Variants in SLC22A12 observed in about 807,000 individuals in gnomAD.
SLC22A12 encodes solute carrier family 22 member 12.
A neutral mutation model predicts 52.7 loss-of-function variants in SLC22A12; 56 were observed. The observed-to-expected ratio is 1.06, with a 90% CI of 0.86 to 1.33. The LOEUF is 1.33. SLC22A12 is among the 40% of genes most tolerant of loss of function. The pLI is 0.00. For synonymous variants in SLC22A12, 337 were observed against 324.6 expected, an observed-to-expected ratio of 1.04 and a Z score of -0.41; for missense variants, 683 against 741.5, an observed-to-expected ratio of 0.92 and a Z score of 0.92.
Position 64,593,798 on chromosome 11 carries a change from C to T in SLC22A12, c.825C>T (p.Tyr275=), listed in dbSNP as rs1441555497. The change falls in exon 4 of 10, where the codon TAC becomes TAT. Residue 275 remains tyrosine (Y), a synonymous_variant. Coordinates refer to ENST00000377574, the MANE Select transcript of SLC22A12 (RefSeq NM_144585.4). ...VSVPFFLCFL[Y]SWWLAESARW... is the part of the protein sequence containing the mutation. The stretch of plus-strand genomic sequence containing the variant: ...TCCCCTTCTTCCTCTGCTTTTTGTA[C>T]TCCTGGTGGGTGCTGTGCCCCACTC... 5.0e-6 allele frequency: 8 copies of T among 1,605,010 alleles called. No homozygotes were observed. Among genetic ancestry groups the T allele is most frequent in the Non-Finnish European group, 5.1e-6 (6 of 1,179,928 alleles).
At chr11:64,592,661 A>C in intron 1 of SLC22A12, 118 bp from the exon 2 acceptor site, 1 of 824,244 alleles carries the variant, frequency 1.2e-6, no homozygotes, top group Non-Finnish European at 2.1e-6. Flanking sequence ...CTAAAACCCT[A>C]GAGGTCACCA....
chr11:64,597,892 TAGC>T (rs2039303310), intron 4 of SLC22A12, among the ~76,000 whole-genome samples: 1 of 152,214 alleles, frequency 6.6e-6, no homozygotes, highest in African/African-American at 2.4e-5. Flanking sequence ...GAGGCCGAGA[TAGC>T]AGAGACTCAG....
Position 64,592,890 on chromosome 11 carries a change from C to A in SLC22A12, c.506+8C>A, listed in dbSNP as rs773552593. ...CGGCCCTGCCTCAGACAGGTGAGTA[C>A]CCCCAGTCCAGGCAGGTCCCAGTTC... On this transcript the variant is annotated splice_region_variant and intron_variant, in intron 2 of 9. Transcript: ENST00000377574. The A allele has an allele frequency of 4.3e-6, 7 of 1,610,816 alleles. No homozygotes were observed. In the African/African-American group the frequency reaches 6.7e-5, roughly 15 times the overall value.
chr11:64,595,350 AATGGATGGATGGATGGATGGATGG>A (rs796558193), intron 4 of SLC22A12, among the ~76,000 whole-genome samples: 11 of 57,988 alleles, frequency 1.9e-4, no homozygotes, highest in South Asian at 1.0e-3. Flanking sequence ...TGGATGGTTG[AATGGATGGATGGATGGATGGATGG>A]ATGGATGGAT....
chr11:64,599,627 C>T (rs1345035258), intron 6 of SLC22A12, 49 bp from the exon 7 acceptor site: 1 of 200,154 alleles, frequency 5.0e-6, no homozygotes, highest in South Asian at 4.5e-5. Flanking sequence ...TGCCCACCAC[C>T]CCCCCCCACC....
In SLC22A12 at chr11:64,599,674, A is replaced by G. The variant is rs747221774; in HGVS notation, c.1071-2A>G. 7.8e-7 allele frequency: 1 copy of G among 1,281,972 alleles called. No homozygotes were observed. Among genetic ancestry groups the G allele is most frequent in the Non-Finnish European group, 1.0e-6 (1 of 983,278 alleles). The allele number at this position is 1,281,972 out of a possible 1,614,324, so 79.4% of individuals were successfully genotyped here. ...CCCTGACTTCCCTGACCCCTGCCCC[A>G]GGTTCGCCTTTGGCTTCACCTTCTT... On this transcript the variant is annotated splice_acceptor_variant, in intron 6 of 9. Coordinates refer to ENST00000377574, the MANE Select transcript of SLC22A12 (RefSeq NM_144585.4). LOFTEE classifies it high-confidence loss of function.
chr11:64,601,053 G>A, intron 9 of SLC22A12, 115 bp downstream of exon 9: 3 of 1,347,002 alleles, frequency 2.2e-6, no homozygotes, highest in Non-Finnish European at 3.1e-6. Flanking sequence ...GGCCCAGACA[G>A]ATAGGATTGG....
chr11:64,600,439 C>T lies in SLC22A12; in HGVS notation c.1358C>T (p.Thr453Ile), dbSNP rs753490462. ...GGVGAAFTCITIYSSELFPTV... is the reference protein window; with the variant it reads ...GGVGAAFTCIIIYSSELFPTV... ...GTGGGGGCTGCCTTCACCTGCATCACCATCTACAGCAGCGAGCTCTTCCCC... is the reference window on the plus strand; with the variant it reads ...GTGGGGGCTGCCTTCACCTGCATCATCATCTACAGCAGCGAGCTCTTCCCC... The change falls in exon 8 of 10, where the codon ACC (threonine) becomes ATC (isoleucine). Residue 453 changes from threonine (T) to isoleucine (I), a missense_variant. By Grantham distance (89) the Thr-to-Ile change is moderately conservative. Transcript: ENST00000377574. 1 of 1,607,872 alleles carries T rather than the reference C, an allele frequency of 6.2e-7. No individual in the cohort carries two copies. Among genetic ancestry groups the T allele is most frequent in the Non-Finnish European group, 8.5e-7 (1 of 1,179,350 alleles).
chr11:64,594,220 G>A (rs988301818), intron 4 of SLC22A12, among the ~76,000 whole-genome samples: 3 of 152,202 alleles, frequency 2.0e-5, no homozygotes, highest in East Asian at 1.9e-4. Context: ...ACACATGCCC[G>A]CACACACAGC....
intron 2 of SLC22A12, 40 bp from the exon 3 acceptor site, chr11:64,593,365 G>A (rs2038982911): frequency 1.2e-6 from 2 of 1,613,350 alleles, no homozygotes; most frequent in South Asian, 2.2e-5. Context: ...CTGTGCCGTG[G>A]CAAGCCACAG....
In SLC22A12 at chr11:64,598,898, C is replaced by A; in HGVS notation, c.1045C>A (p.Arg349=). The A allele has an allele frequency of 6.2e-7, 1 of 1,612,928 alleles. No homozygotes were observed. Among genetic ancestry groups the A allele is most frequent in the Non-Finnish European group, 8.5e-7 (1 of 1,179,980 alleles). ...TLLRMPGLRF[R]TCISTLCWFA... ...GCTCCGCATGCCCGGACTGCGCTTC[C>A]GGACCTGTATCTCCACGTTGTGCTG... is the stretch of plus-strand genomic sequence containing the variant. The change falls in exon 6 of 10, where the codon CGG becomes AGG. Residue 349 remains arginine (R), a synonymous_variant. Coordinates refer to ENST00000377574, the MANE Select transcript of SLC22A12 (RefSeq NM_144585.4).
In SLC22A12 at chr11:64,593,578, G is replaced by T; in HGVS notation, c.661+19G>T. The T allele has an allele frequency of 6.2e-7, 1 of 1,614,122 alleles. No homozygotes were observed. The highest frequency in any genetic ancestry group is 1.3e-5 in the African/African-American group (1 of 75,068). On this transcript the variant is annotated intron_variant, in intron 3 of 9. Coordinates refer to ENST00000377574, the MANE Select transcript of SLC22A12 (RefSeq NM_144585.4). ...ACTCTCCGTAGGTCTCTGACCTGGC[G>T]CCATGCAGGGGGGCTCCATGCAGGC...
intron 4 of SLC22A12, among the ~76,000 whole-genome samples, chr11:64,595,991 T>C (rs2039190915): frequency 8.2e-6 from 1 of 121,394 alleles, no homozygotes; most frequent in Admixed American, 8.4e-5. Context: ...TTGGAATAGA[T>C]GGAATGGATG....
chr11:64,594,678 T>TGGAC (rs1203559731), intron 4 of SLC22A12, among the ~76,000 whole-genome samples: 3 of 144,972 alleles, frequency 2.1e-5, no homozygotes, highest in South Asian at 4.5e-4. Context: ...AATAGATGGA[T>TGGAC]GGACGGATGG....
chr11:64,592,058 C>T (rs1295530811), intron 1 of SLC22A12, 100 bp downstream of exon 1: 1 of 1,508,960 alleles, frequency 6.6e-7, no homozygotes, highest in East Asian at 2.4e-5. Flanking sequence ...GAGGGACCCA[C>T]CTCCCCAGGC....
At chr11:64,598,993 C>T (rs996152366) in intron 6 of SLC22A12, 70 bp downstream of exon 6, 3 of 1,570,510 alleles carry the variant, frequency 1.9e-6, no homozygotes, top group Non-Finnish European at 2.6e-6. Context: ...GGCACACGGC[C>T]CCGGCCTCTG....
At chr11:64,595,298 G>GATGA (rs2039114212) in intron 4 of SLC22A12, among the ~76,000 whole-genome samples, 1 of 106,918 alleles carries the variant, frequency 9.4e-6, no homozygotes, top group African/African-American at 3.6e-5. Flanking sequence ...TGGTTGGATG[G>GATGA]ATGGATGGAT....
In SLC22A12 at chr11:64,600,856, G is replaced by A. The variant is rs1363545651; in HGVS notation, c.1516G>A (p.Val506Met). 3.1e-6 allele frequency: 5 copies of A among 1,608,914 alleles called. No homozygotes were observed. Among genetic ancestry groups the A allele is most frequent in the Admixed American group, 1.7e-5 (1 of 60,034 alleles). The stretch of plus-strand genomic sequence containing the variant: ...CTTGCTGGTGTATGGGACGGTGCCA[G>A]TGCTGAGTGGCCTGGCCGCACTGCT... The part of the protein sequence containing the change: ...LPLLVYGTVP[V>M]LSGLAALLLP... Residue 506 changes from valine to methionine, a missense_variant, in exon 9 of 10, where the codon GTG (valine) becomes ATG (methionine). Physicochemically the swap from Val to Met is conservative, Grantham distance 21. Transcript: ENST00000377574.
intron 4 of SLC22A12, among the ~76,000 whole-genome samples, chr11:64,595,400 CGG>C (rs2039128955): frequency 2.0e-5 from 1 of 49,092 alleles, no homozygotes; most frequent in Non-Finnish European, 4.4e-5. Context: ...GATGGACGGA[CGG>C]ATGGATGGAT....
Sources: gnomAD v4.1 joint callset for allele counts (sites outside exome capture counted in the v4.1 genomes callset) on GRCh38, gnomAD v4.1.1 for gene constraint, MANE v1.5 for transcripts, NCBI Gene and HGNC (gene_info 2026-07-23, HGNC 2026-07-21) for gene names.